Variants in NPHP1 observed in about 807,000 individuals in gnomAD.
NPHP1 encodes nephrocystin 1, also known as nephrocystin-1.
Under a neutral mutation model 90.4 loss-of-function variants are expected in NPHP1, and 70 were observed. The observed-to-expected ratio is 0.77, with a 90% confidence interval of 0.64 to 0.95. The LOEUF is 0.95. Ranked by LOEUF, NPHP1 falls within the 40% of genes least tolerant of loss-of-function variation. The probability of loss-of-function intolerance (pLI) is 0.00; values close to 1 mark genes in which losing one functional copy is unlikely to be tolerated. For missense variants in NPHP1, 764 were observed against 795.9 expected (o/e 0.96, Z 0.48); for synonymous variants, 256 against 271.7 (o/e 0.94, Z 0.57).
intron 2 of NPHP1, among the ~76,000 whole-genome samples, chr2:110,185,766 G>A (rs556789699): frequency 1.3e-5 from 2 of 152,298 alleles, no homozygotes; most frequent in South Asian, 2.1e-4. Context: ...GGAAAGTCAG[G>A]AGGGAGCAGG....
chr2:110,150,408 TTTTC>T, intron 11 of NPHP1, 152 bp from the exon 12 acceptor site: 2 of 728,058 alleles, frequency 2.7e-6, no homozygotes. Context: ...TCTGTAATGT[TTTTC>T]TTTTTATATC....
chr2:110,177,311 C>G (rs1683570790), intron 4 of NPHP1, among the ~76,000 whole-genome samples: 1 of 152,170 alleles, frequency 6.6e-6, no homozygotes. Context: ...ATCCTTGCAT[C>G]TACCACCTTC....
intron 11 of NPHP1, 150 bp downstream of exon 11, chr2:110,159,977 T>A (rs1041052754): frequency 2.8e-6 from 2 of 719,250 alleles, no homozygotes; most frequent in African/African-American, 3.6e-5. Flanking sequence ...ATTTAAAAAA[T>A]GAATTTTTCA....
At chr2:110,137,443 T>C (rs2104457159) in intron 16 of NPHP1, among the ~76,000 whole-genome samples, 1 of 152,134 alleles carries the variant, frequency 6.6e-6, no homozygotes, top group South Asian at 2.1e-4. Context: ...AGGGCTAATA[T>C]ACAGAATCTA....
chr2:110,123,998 G>A lies in NPHP1; in HGVS notation c.1827C>T (p.Leu609=), dbSNP rs570047408. The part of the protein sequence containing the change: ...LVYHDCVLPL[L]HSTRLPPFRW... Reference sequence around the variant, plus strand: ...TGAATGGGGGTAGGCGTGTGGAGTGGAGAAGTGGGAGCACGCAGTCATGGT... The same window carrying A: ...TGAATGGGGGTAGGCGTGTGGAGTGAAGAAGTGGGAGCACGCAGTCATGGT... The change falls in exon 20 of 20, where the codon CTC becomes CTT. Residue 609 remains leucine (L), a synonymous_variant. Coordinates refer to ENST00000445609, the MANE Select transcript of NPHP1 (RefSeq NM_001128178.3). 6.2e-7 allele frequency: 1 copy of A among 1,614,054 alleles called. No individual in the cohort carries two copies. Among genetic ancestry groups the A allele is most frequent in the Admixed American group, 1.7e-5 (1 of 60,026 alleles).
chr2:110,125,184 C>T, intron 19 of NPHP1: 1 of 1,530,712 alleles, frequency 6.5e-7, no homozygotes, highest in Non-Finnish European at 8.7e-7. Flanking sequence ...CAAACCACGA[C>T]TCACCGATTA....
rs1680791258 is a variant in NPHP1 at position 110,143,409 on chromosome 2, T to C, written c.1529+133A>G. 8.5e-6 allele frequency: 6 copies of C among 706,662 alleles called. No homozygotes were observed. In the South Asian group the frequency reaches 9.4e-5, roughly 11 times the overall value. 43.8% of individuals were successfully genotyped at this position (706,662 alleles called of 1,614,324 possible). A position where few individuals can be genotyped will look rare whatever the true frequency, so the allele number is the denominator to read the frequency against. The stretch of plus-strand genomic sequence containing the variant: ...TGTTACCCATTTCCCTACTGACCTT[T>C]GGGGGAAGAATTAAAGAGGACAAAA... On this transcript the variant is annotated intron_variant, in intron 16 of 19. Transcript: ENST00000445609.
chr2:110,162,150 T>A (rs1393086432), intron 9 of NPHP1, among the ~76,000 whole-genome samples: 1 of 152,188 alleles, frequency 6.6e-6, no homozygotes, highest in Non-Finnish European at 1.5e-5. Context: ...TTTGAGCTTC[T>A]ACTCTTGCCA....
In NPHP1 at chr2:110,123,858, T is replaced by C. The variant is rs1243062227; in HGVS notation, c.1967A>G (p.His656Arg). ...LQALLSPDGV[H>R]EPFDLSEQTY... The stretch of plus-strand genomic sequence containing the variant: ...CTGCTCTGAAAGGTCAAAAGGTTCA[T>C]GAACTCCGTCTGGTGACAGCAGAGC... Residue 656 changes from histidine (H) to arginine (R), a missense_variant, in exon 20 of 20, where the codon CAT becomes CGT. His to Arg is a conservative substitution (Grantham distance 29, BLOSUM62 0). Coordinates refer to ENST00000445609, the MANE Select transcript of NPHP1 (RefSeq NM_001128178.3). The C allele has an allele frequency of 3.1e-6, 5 of 1,614,022 alleles. No individual in the cohort carries two copies. The highest frequency in any genetic ancestry group is 4.2e-6 in the Non-Finnish European group (5 of 1,179,994).
intron 11 of NPHP1, among the ~76,000 whole-genome samples, chr2:110,159,467 G>A (rs949595067): frequency 6.6e-6 from 1 of 151,832 alleles, no homozygotes; most frequent in African/African-American, 2.4e-5. Flanking sequence ...TTTACCAGAG[G>A]TTATTCACAT....
intron 4 of NPHP1, 77 bp downstream of exon 4, chr2:110,178,346 T>C (rs757440686): frequency 1.5e-6 from 2 of 1,372,052 alleles, no homozygotes; most frequent in East Asian, 2.3e-5. Flanking sequence ...TACTGCTATA[T>C]GTCTTTGAGT....
Position 110,163,041 on chromosome 2 carries a change from G to A in NPHP1, c.859+7C>T, listed in dbSNP as rs373275261. The A allele has an allele frequency of 8.1e-6, 13 of 1,603,098 alleles. No homozygotes were observed. The African/African-American group carries it at 1.1e-4, about 13-fold the overall frequency. On this transcript the variant is annotated splice_region_variant and intron_variant, in intron 9 of 19. Coordinates refer to ENST00000445609, the MANE Select transcript of NPHP1 (RefSeq NM_001128178.3). The stretch of plus-strand genomic sequence containing the variant: ...AAAGAGTGCAGTGGCTGATAGGCAC[G>A]CATTACCTTCCTCCAGAAGCTGTGA...
At chr2:110,191,724 G>A (rs189646262) in intron 2 of NPHP1, among the ~76,000 whole-genome samples, 2,489 of 152,288 alleles carry the variant, frequency 0.016, 41 homozygotes, top group South Asian at 0.056. Context: ...GTGGGTCCCT[G>A]ACCCCCAAGT....
chr2:110,164,815 T>A (rs1489629039), intron 7 of NPHP1, 85 bp from the exon 8 acceptor site: 2 of 1,201,342 alleles, frequency 1.7e-6, no homozygotes, highest in Non-Finnish European at 2.5e-6. Flanking sequence ...CAGTTGATAA[T>A]CATCAGTAAG....
chr2:110,147,831 C>T (rs1405845366), intron 13 of NPHP1, 85 bp downstream of exon 13: 2 of 812,682 alleles, frequency 2.5e-6, no homozygotes, highest in Non-Finnish European at 4.3e-6. Flanking sequence ...ATAAAGACTT[C>T]AAGGATTTCC....
Position 110,185,094 on chromosome 2 carries a change from C to T in NPHP1, c.144-5410G>A, listed in dbSNP as rs1355698977. 1.2e-5 allele frequency: 7 copies of T among 588,962 alleles called. No individual in the cohort carries two copies. In the Admixed American group the frequency reaches 1.3e-4, roughly 11 times the overall value. The allele number at this position is 588,962 out of a possible 1,614,324, so 36.5% of individuals were successfully genotyped here. A position where few individuals can be genotyped will look rare whatever the true frequency, so the allele number is the denominator to read the frequency against. On this transcript the variant is annotated intron_variant, in intron 2 of 19. Transcript: ENST00000445609. ...ACGTGGATTGAGGGCTCTATCCTTGCCTCCATGACACCTTTAAGAAGATGT... is the reference window on the plus strand; with the variant it reads ...ACGTGGATTGAGGGCTCTATCCTTGTCTCCATGACACCTTTAAGAAGATGT...
chr2:110,124,091 CAT>C, intron 19 of NPHP1, 28 bp from the exon 20 acceptor site: 1 of 1,613,082 alleles, frequency 6.2e-7, no homozygotes, highest in Non-Finnish European at 8.5e-7. Flanking sequence ...CCACAAATAA[CAT>C]TGTTATTTTT....
intron 2 of NPHP1, among the ~76,000 whole-genome samples, chr2:110,182,767 T>C (rs185939194): frequency 6.6e-6 from 1 of 152,132 alleles, no homozygotes; most frequent in Non-Finnish European, 1.5e-5. Context: ...AGAATAATGA[T>C]GATAGGATCA....
At chr2:110,125,780 A>T (rs1679315548) in intron 18 of NPHP1, 99 bp from the exon 19 acceptor site, 4 of 970,436 alleles carry the variant, frequency 4.1e-6, no homozygotes, top group Non-Finnish European at 6.6e-6. Flanking sequence ...GGACAGGGTT[A>T]AAAATGCTGT....
Sources: gnomAD v4.1 joint callset for allele counts (sites outside exome capture counted in the v4.1 genomes callset) on GRCh38, gnomAD v4.1.1 for gene constraint, MANE v1.5 for transcripts, NCBI Gene and HGNC (gene_info 2026-07-23, HGNC 2026-07-21) for gene names.